Variants in DPF3 observed in about 807,000 individuals in gnomAD.
DPF3 encodes the protein zinc finger protein DPF3.
DPF3 carries 18 observed loss-of-function variants against 56.8 expected under a neutral mutation model. The ratio of observed to expected loss-of-function variants is 0.32; its 90% CI spans 0.22 to 0.47. The LOEUF (loss-of-function observed/expected upper bound fraction) is 0.47, where lower values mean the gene tolerates loss of function less well. DPF3 is among the 20% of genes least tolerant of loss of function. The pLI, the probability that DPF3 is intolerant of heterozygous loss-of-function variation, is 1.00. For missense variants in DPF3, 403 were observed against 488.8 expected (o/e 0.82, Z 1.65); for synonymous variants, 188 against 180.2 (o/e 1.04, Z -0.35).
At chr14:72,621,002 A>G (rs867372097) in intron 9 of DPF3, among the ~76,000 whole-genome samples, 2 of 152,140 alleles carry the variant, frequency 1.3e-5, no homozygotes, top group Admixed American at 6.5e-5. Flanking sequence ...TTAGCCAGGC[A>G]TGGTGGCGTG....
chr14:72,742,425 T>C (rs1347159427), intron 3 of DPF3: 1 of 152,250 alleles, frequency 6.6e-6, no homozygotes, highest in African/African-American at 2.4e-5. Context: ...AAGGTCGCGT[T>C]GTCCATTGGC....
At chr14:72,631,990 CA>C (rs781225099) in intron 8 of DPF3, among the ~76,000 whole-genome samples, 3 of 152,112 alleles carry the variant, frequency 2.0e-5, no homozygotes, top group Admixed American at 6.5e-5. Context: ...AGGCTTTGAG[CA>C]GTGAAGCAGC....
intron 8 of DPF3, among the ~76,000 whole-genome samples, chr14:72,657,359 G>A (rs1424441601): frequency 1.3e-5 from 2 of 152,186 alleles, no homozygotes; most frequent in African/African-American, 4.8e-5. Flanking sequence ...TGTCCACAAT[G>A]GAGAGTCGCT....
chr14:72,697,932 C>T (rs1887977949), intron 6 of DPF3, among the ~76,000 whole-genome samples: 1 of 152,206 alleles, frequency 6.6e-6, no homozygotes, highest in Admixed American at 6.5e-5. Flanking sequence ...GTTCTGCCTC[C>T]ACACAGCCCT....
intron 5 of DPF3, among the ~76,000 whole-genome samples, chr14:72,719,004 TC>T (rs1393160278): frequency 6.6e-6 from 1 of 151,060 alleles, no homozygotes; most frequent in Admixed American, 6.6e-5. Flanking sequence ...TCTCCTGACC[TC>T]GTGATCCACC....
rs1032978342 is a variant in DPF3, at chr14:72,616,317, A to C, written c.*2980T>G. Among the ~76,000 whole-genome samples the C allele has an allele frequency of 1.1e-4, 16 of 152,176 alleles. No homozygotes were observed. Among genetic ancestry groups the C allele is most frequent in the African/African-American group, 3.9e-4 (16 of 41,422 alleles). On this transcript the variant is annotated 3_prime_UTR_variant, in exon 11 of 11. Coordinates refer to ENST00000556509, the MANE Select transcript of DPF3 (RefSeq NM_001280542.3). ...AAGTCACCTTTCCATTCTCAACTGC[A>C]TTAATCTTATAGAAGGAGTATCCTG...
intron 2 of DPF3, among the ~76,000 whole-genome samples, chr14:72,754,594 A>G (rs1176941329): frequency 1.3e-5 from 2 of 152,226 alleles, no homozygotes; most frequent in African/African-American, 2.4e-5. Context: ...GTCACTGTGC[A>G]CACCTAGGAC....
intron 1 of DPF3, among the ~76,000 whole-genome samples, chr14:72,841,259 G>A (rs2140068348): frequency 6.6e-6 from 1 of 152,286 alleles, no homozygotes; most frequent in African/African-American, 2.4e-5. Context: ...CCTGGGGCTG[G>A]ATGGGAAGGC....
At chr14:72,762,731 T>C (rs1371021112) in intron 2 of DPF3, among the ~76,000 whole-genome samples, 5 of 152,086 alleles carry the variant, frequency 3.3e-5, no homozygotes, top group Admixed American at 3.3e-4. Flanking sequence ...TAATATTATG[T>C]TGGAGAGTCT....
chr14:72,836,266 A>G (rs10129371), intron 1 of DPF3: 583,463 of 985,034 alleles, frequency 0.59, 173,649 homozygotes, highest in East Asian at 0.87. Context: ...TGCTTCCCTC[A>G]CTCTCCCATT....
chr14:72,737,605 T>C (rs1051486655), intron 3 of DPF3, among the ~76,000 whole-genome samples: 1 of 152,214 alleles, frequency 6.6e-6, no homozygotes, highest in African/African-American at 2.4e-5. Flanking sequence ...ATATGCCATA[T>C]AGAAAACAGA....
At position 72,894,038 on chromosome 14, in the gene DPF3, A is replaced by AT. The variant is rs2140141294; in HGVS notation, c.32+18dup. 5.0e-6 allele frequency: 8 copies of AT among 1,609,798 alleles called. No homozygotes were observed. The highest frequency in any genetic ancestry group is 5.9e-6 in the Non-Finnish European group (7 of 1,178,568). On this transcript the variant is annotated intron_variant, in intron 1 of 10. Transcript: ENST00000556509. ...TATTGAAACCACGCGGAATATGTACATTTTTTAGTCTTACTTACGCTTTCA... is the reference window on the plus strand; with the variant it reads ...TATTGAAACCACGCGGAATATGTACATTTTTTTAGTCTTACTTACGCTTTCA...
chr14:72,869,515 G>A (rs1218737105), intron 1 of DPF3, among the ~76,000 whole-genome samples: 3 of 152,088 alleles, frequency 2.0e-5, no homozygotes, highest in Non-Finnish European at 4.4e-5. Flanking sequence ...AGTGTGAGAC[G>A]GTGTGCTTCT....
At chr14:72,854,685 A>G (rs1885111626) in intron 1 of DPF3, among the ~76,000 whole-genome samples, 3 of 152,226 alleles carry the variant, frequency 2.0e-5, no homozygotes, top group South Asian at 4.1e-4. Context: ...GTGAAAATAT[A>G]CATCCTGGGT....
intron 1 of DPF3, among the ~76,000 whole-genome samples, chr14:72,859,422 T>A (rs1230696435): frequency 6.6e-6 from 1 of 151,762 alleles, no homozygotes. Context: ...TCCTCTCTTC[T>A]TTGACTATCT....
At chr14:72,734,241 G>A (rs186823725) in intron 3 of DPF3, among the ~76,000 whole-genome samples, 6 of 152,308 alleles carry the variant, frequency 3.9e-5, no homozygotes, top group Admixed American at 2.0e-4. Context: ...GGAGGAAAAC[G>A]ACAGAATGAA....
At chr14:72,693,940 G>A (rs1043982264) in intron 6 of DPF3, among the ~76,000 whole-genome samples, 1 of 152,254 alleles carries the variant, frequency 6.6e-6, no homozygotes, top group African/African-American at 2.4e-5. Flanking sequence ...TCCTTGGTGA[G>A]TGTAGTCACC....
At chr14:72,884,971 T>TATATATACATATATATATATA (rs10523148) in intron 1 of DPF3, among the ~76,000 whole-genome samples, 2 of 111,684 alleles carry the variant, frequency 1.8e-5, no homozygotes, top group Non-Finnish European at 3.7e-5. Flanking sequence ...TATATATATA[T>TATATATACATATATATATATA]TAGCCGGGCG....
intron 8 of DPF3, among the ~76,000 whole-genome samples, chr14:72,642,308 A>G (rs970579644): frequency 6.6e-6 from 1 of 152,212 alleles, no homozygotes; most frequent in Non-Finnish European, 1.5e-5. Context: ...AACTAATACA[A>G]TGGCAAAGGA....
Sources: gnomAD v4.1 joint callset for allele counts (sites outside exome capture counted in the v4.1 genomes callset) on GRCh38, gnomAD v4.1.1 for gene constraint, MANE v1.5 for transcripts, NCBI Gene and HGNC (gene_info 2026-07-23, HGNC 2026-07-21) for gene names.